Variants in DMD observed in about 807,000 individuals in gnomAD.
DMD encodes mutant dystrophin.
DMD carries 63 observed loss-of-function variants against 330.1 expected under a neutral mutation model. The ratio of observed to expected loss-of-function variants is 0.19; its 90% CI spans 0.16 to 0.24. The LOEUF (loss-of-function observed/expected upper bound fraction) is 0.24, where lower values mean the gene tolerates loss of function less well. Ranked by LOEUF, DMD falls within the 10% of genes least tolerant of loss-of-function variation. The pLI, the probability that DMD is intolerant of heterozygous loss-of-function variation, is 1.00. For missense variants in DMD, 3,344 were observed against 2,684.1 expected (o/e 1.25, Z -5.43); for synonymous variants, 1,223 against 959.8 (o/e 1.27, Z -5.07).
At chrX:31,497,932 A>G (rs1294348572) in intron 56 of DMD, among the ~76,000 whole-genome samples, 1 of 112,476 alleles carries the variant, frequency 8.9e-6, no homozygotes, top group Non-Finnish European at 1.9e-5. Flanking sequence ...AAAGATTGAA[A>G]TGTAAAGCAA....
rs186663011 is a variant in DMD at position 32,988,114 on chromosome X, A to T, written c.93+32025T>A. 2.4e-3 allele frequency among the ~76,000 whole-genome samples: 263 copies of T among 111,062 alleles called. 1 individual carries two copies. Among genetic ancestry groups the T allele is most frequent in the African/African-American group, 8.0e-3 (244 of 30,596 alleles). ...TGTACTTGTGTGTGTGCACAACCAC[A>T]TTGAATGGAGACATTTCAATTAGAA... On this transcript the variant is annotated intron_variant, in intron 2 of 78. Coordinates refer to ENST00000357033, the MANE Select transcript of DMD (RefSeq NM_004006.3).
At chrX:31,936,968 T>C (rs1350477) in intron 45 of DMD, among the ~76,000 whole-genome samples, 42,667 of 109,616 alleles carry the variant, frequency 0.39, 6,549 homozygotes, top group African/African-American at 0.56. Context: ...AGTAATGCAC[T>C]ATGTCAATTA....
chrX:31,595,019 G>A (rs1440235958), intron 55 of DMD, among the ~76,000 whole-genome samples: 1 of 111,207 alleles, frequency 9.0e-6, no homozygotes, highest in Non-Finnish European at 1.9e-5. Context: ...GCTTACATTA[G>A]TATATTAGGA....
At chrX:32,869,239 CA>C (rs2082760077) in intron 2 of DMD, among the ~76,000 whole-genome samples, 2 of 111,107 alleles carry the variant, frequency 1.8e-5, no homozygotes, top group South Asian at 7.7e-4. Flanking sequence ...ATTAAAACCC[CA>C]TCCAAAGGTC....
intron 51 of DMD, among the ~76,000 whole-genome samples, chrX:31,742,007 G>A (rs929235914): frequency 4.5e-5 from 5 of 112,002 alleles, no homozygotes; most frequent in African/African-American, 1.3e-4. Context: ...GTTATAGAGA[G>A]GGCTTATTCA....
intron 44 of DMD, among the ~76,000 whole-genome samples, chrX:32,060,665 G>C (rs2096216657): frequency 8.9e-6 from 1 of 111,809 alleles, no homozygotes; most frequent in Admixed American, 9.5e-5. Context: ...TTCCACCTTA[G>C]CAATTCTACA....
At chrX:31,153,601 T>C (rs895993044) in intron 74 of DMD, among the ~76,000 whole-genome samples, 1 of 112,205 alleles carries the variant, frequency 8.9e-6, no homozygotes, top group Admixed American at 9.5e-5. Flanking sequence ...GAAAGATGCC[T>C]TCAAGCAAGA....
intron 48 of DMD, among the ~76,000 whole-genome samples, chrX:31,864,254 A>G (rs1311329382): frequency 9.0e-6 from 1 of 111,126 alleles, no homozygotes; most frequent in African/African-American, 3.3e-5. Flanking sequence ...CCTCCCTCAT[A>G]AGAAAGGGAA....
chrX:32,394,921 A>AAAAAAAAAAAAAAAAAAAAAC (rs1557326840), intron 30 of DMD, among the ~76,000 whole-genome samples: 1 of 63,757 alleles, frequency 1.6e-5, no homozygotes, highest in Non-Finnish European at 3.0e-5. Flanking sequence ...AAAAACAAAA[A>AAAAAAAAAAAAAAAAAAAAAC]AAAAAAAAAA....
intron 63 of DMD, among the ~76,000 whole-genome samples, chrX:31,228,256 T>TAAAAAAAAAAA (rs750444358): frequency 4.8e-5 from 3 of 61,857 alleles, no homozygotes; most frequent in African/African-American, 1.1e-4. Context: ...TAAAGTATAA[T>TAAAAAAAAAAA]AAAAAAAAAA....
At chrX:32,205,010 TACACACA>T (rs2097059602) in intron 44 of DMD, among the ~76,000 whole-genome samples, 5 of 53,075 alleles carry the variant, frequency 9.4e-5, no homozygotes, top group East Asian at 6.7e-4. Context: ...CTCTCTCACA[TACACACA>T]CACACACACA....
intron 41 of DMD, among the ~76,000 whole-genome samples, chrX:32,333,423 G>A (rs192588814): frequency 3.8e-4 from 42 of 110,972 alleles, no homozygotes; most frequent in African/African-American, 1.2e-3. Flanking sequence ...TTATTCTACC[G>A]TCTTCTGGCT....
At chrX:32,429,970 T>G (rs749971866) in intron 29 of DMD, among the ~76,000 whole-genome samples, 1 of 111,815 alleles carries the variant, frequency 8.9e-6, no homozygotes, top group South Asian at 3.7e-4. Flanking sequence ...TTCTTCATAC[T>G]TATTTTAGAC....
intron 7 of DMD, among the ~76,000 whole-genome samples, chrX:32,715,892 T>C (rs995667654): frequency 1.3e-4 from 15 of 111,142 alleles, no homozygotes; most frequent in African/African-American, 4.6e-4. Context: ...GAAAGAAAAA[T>C]ATTGCATGAT....
intron 1 of DMD, among the ~76,000 whole-genome samples, chrX:33,181,628 T>G (rs949282308): frequency 2.7e-5 from 3 of 111,671 alleles, no homozygotes; most frequent in African/African-American, 9.8e-5. Flanking sequence ...AAGTATTTAC[T>G]CACATAATAT....
intron 1 of DMD, among the ~76,000 whole-genome samples, chrX:33,317,367 C>T (rs370360282): frequency 2.7e-5 from 3 of 111,614 alleles, no homozygotes; most frequent in East Asian, 2.8e-4. Context: ...ATGCTGCAAA[C>T]ACTACAATAT....
At chrX:33,304,029 T>C (rs994178035) in intron 1 of DMD, among the ~76,000 whole-genome samples, 17 of 111,665 alleles carry the variant, frequency 1.5e-4, no homozygotes, top group African/African-American at 5.5e-4. Flanking sequence ...AAATATGAAT[T>C]AATTCCTTTC....
chrX:32,775,142 G>T (rs1188720395), intron 7 of DMD, among the ~76,000 whole-genome samples: 1 of 112,825 alleles, frequency 8.9e-6, no homozygotes, highest in Non-Finnish European at 1.9e-5. Context: ...AGGGCAGGCT[G>T]ATGCAAGGGG....
At chrX:32,609,378 T>C (rs2056983993) in intron 12 of DMD, among the ~76,000 whole-genome samples, 1 of 111,221 alleles carries the variant, frequency 9.0e-6, no homozygotes, top group Non-Finnish European at 1.9e-5. Flanking sequence ...ATAGAACTAC[T>C]ACTGCAAATG....
Sources: gnomAD v4.1 joint callset for allele counts (sites outside exome capture counted in the v4.1 genomes callset) on GRCh38, gnomAD v4.1.1 for gene constraint, MANE v1.5 for transcripts, NCBI Gene and HGNC (gene_info 2026-07-23, HGNC 2026-07-21) for gene names.